The following TRPM2 variants were observed in gnomAD, a reference collection of about 807,000 sequenced individuals.
TRPM2 encodes transient receptor potential cation channel subfamily M member 2, also known as estrogen-responsive element-associated gene 1 protein.
TRPM2 carries 161 observed loss-of-function variants against 174.0 expected under a neutral mutation model. The observed-to-expected ratio is 0.93, with a 90% CI of 0.81 to 1.05. TRPM2 has a LOEUF of 1.05. Among genes scored for constraint, TRPM2 ranks in the 50% least tolerant of loss-of-function variants. The pLI is 0.00. For synonymous variants in TRPM2, 954 were observed against 861.3 expected, an observed-to-expected ratio of 1.11 and a Z score of -1.88; for missense variants, 2,057 against 2,038.0, an observed-to-expected ratio of 1.01 and a Z score of -0.18.
chr21:44,439,070 T>C lies in TRPM2; in HGVS notation c.4171T>C (p.Ser1391Pro). The change falls in exon 30 of 32, where the codon TCC (serine) becomes CCC (proline). Residue 1391 changes from serine (S) to proline (P), a missense_variant. Coordinates refer to ENST00000397928, the MANE Select transcript of TRPM2 (RefSeq NM_003307.4). The surrounding 1 kb of genome is among the most constrained non-coding windows in gnomAD (Gnocchi z 5.1). ...CCTCCGTCCTCTGTCTGTCCAGGGC[T>C]CCCGGGAGCCAGGGGAGATGCTACC... ...LSEHWALPGG[S>P]REPGEMLPRK... 2 of 1,612,412 alleles carry C rather than the reference T, an allele frequency of 1.2e-6. No homozygotes were observed. The highest frequency in any genetic ancestry group is 1.7e-6 in the Non-Finnish European group (2 of 1,179,438).
intron 2 of TRPM2, among the ~76,000 whole-genome samples, chr21:44,357,739 G>A (rs1390626223): frequency 6.6e-6 from 1 of 152,220 alleles, no homozygotes; most frequent in African/African-American, 2.4e-5. Flanking sequence ...GCCCGGCAAA[G>A]CACTCCTAGC....
At chr21:44,385,498 T>A (rs1001680831) in intron 9 of TRPM2, among the ~76,000 whole-genome samples, 2 of 152,210 alleles carry the variant, frequency 1.3e-5, no homozygotes, top group African/African-American at 4.8e-5. Context: ...GATGCATACT[T>A]TCACCACTTC....
chr21:44,361,249 A>T (rs1017399150), intron 2 of TRPM2, among the ~76,000 whole-genome samples: 2 of 152,098 alleles, frequency 1.3e-5, no homozygotes, highest in African/African-American at 4.8e-5. Flanking sequence ...AGTAGCTGGG[A>T]CTACAGGCAT....
In TRPM2 at chr21:44,441,701, G is replaced by T. The variant is rs569048007; in HGVS notation, c.4396G>T (p.Ala1466Ser). The change falls in exon 32 of 32, where the codon GCC (alanine) becomes TCC (serine). Residue 1466 changes from alanine (A) to serine (S), a missense_variant. By Grantham distance (99) the Ala-to-Ser change is moderately conservative (BLOSUM62 1). Coordinates refer to ENST00000397928, the MANE Select transcript of TRPM2 (RefSeq NM_003307.4). The stretch of plus-strand genomic sequence containing the variant: ...GCCCTTGTTCTTCCAGAACCTGCAC[G>T]CCTGCGACTCGGGGGCCTCCATCCG... Reference protein sequence around the residue: ...ELNRLNSNLHACDSGASIRWQ... With the variant: ...ELNRLNSNLHSCDSGASIRWQ... The T allele has an allele frequency of 6.2e-7, 1 of 1,609,992 alleles. No homozygotes were observed. The highest frequency in any genetic ancestry group is 8.5e-7 in the Non-Finnish European group (1 of 1,178,504).
chr21:44,404,225 A>G (rs1004657500), intron 16 of TRPM2, among the ~76,000 whole-genome samples: 1 of 150,524 alleles, frequency 6.6e-6, no homozygotes, highest in African/African-American at 2.5e-5. Context: ...ACACAGATAC[A>G]CATACACATG....
intron 8 of TRPM2, 127 bp downstream of exon 8, chr21:44,379,324 G>A: frequency 8.9e-7 from 1 of 1,128,048 alleles, no homozygotes; most frequent in Non-Finnish European, 1.3e-6. Flanking sequence ...GGGTGCCAGA[G>A]CGATTTGCAG....
In TRPM2 at chr21:44,367,407, C is replaced by A. The variant is rs143799889; in HGVS notation, c.604+473C>A. Reference sequence around the variant, plus strand: ...CATTATCGTGTTTTTCCATCAAAATCAGGGAAGGAGCATTATTATTTCCAT... The same window carrying A: ...CATTATCGTGTTTTTCCATCAAAATAAGGGAAGGAGCATTATTATTTCCAT... On this transcript the variant is annotated intron_variant, in intron 4 of 31. Coordinates refer to ENST00000397928, the MANE Select transcript of TRPM2 (RefSeq NM_003307.4). This position sits in a 1 kb window ranked among gnomAD's most constrained non-coding sequence, Gnocchi z 4.6. Among the ~76,000 whole-genome samples the A allele has an allele frequency of 4.6e-4, 70 of 152,348 alleles. No homozygotes were observed. Among genetic ancestry groups the A allele is most frequent in the African/African-American group, 1.5e-3 (64 of 41,590 alleles).
At chr21:44,422,756 A>G (rs1346421371) in intron 22 of TRPM2, among the ~76,000 whole-genome samples, 1 of 150,362 alleles carries the variant, frequency 6.7e-6, no homozygotes, top group Non-Finnish European at 1.5e-5. Flanking sequence ...CATTTCCAGA[A>G]TAATAGCGCC....
chr21:44,431,177 C>A (rs1176617703), intron 27 of TRPM2, among the ~76,000 whole-genome samples: 1 of 151,940 alleles, frequency 6.6e-6, no homozygotes, highest in Non-Finnish European at 1.5e-5. Flanking sequence ...AATAAGGGTA[C>A]CTAAGACTGT....
Position 44,401,911 on chromosome 21 carries a change from C to T in TRPM2, c.2538+14C>T, listed in dbSNP as rs1785437. The T allele has an allele frequency of 0.75, 1,210,368 of 1,612,988 alleles. 455,149 individuals carry two copies. Among genetic ancestry groups the T allele is most frequent in the Non-Finnish European group, 0.76 (899,573 of 1,179,764 alleles). On this transcript the variant is annotated intron_variant, in intron 16 of 31. Coordinates refer to ENST00000397928, the MANE Select transcript of TRPM2 (RefSeq NM_003307.4). Reference sequence around the variant, plus strand: ...GAGATGCGGCAGGTACAGCCCCACCCGCTTTTCCACGCCCCAGCCCGGGGC... The same window carrying T: ...GAGATGCGGCAGGTACAGCCCCACCTGCTTTTCCACGCCCCAGCCCGGGGC...
rs984348289 is a variant in TRPM2, at chr21:44,401,923, C to T, written c.2538+26C>T. ...GTACAGCCCCACCCGCTTTTCCACG[C>T]CCCAGCCCGGGGCCACCCACTTGGC... is the stretch of plus-strand genomic sequence containing the variant. On this transcript the variant is annotated intron_variant, in intron 16 of 31. Transcript: ENST00000397928. The T allele has an allele frequency of 5.6e-6, 9 of 1,612,466 alleles. No individual in the cohort carries two copies. In the Admixed American group the frequency reaches 1.2e-4, roughly 21 times the overall value.
At chr21:44,370,538 G>A (rs1227019222) in intron 5 of TRPM2, among the ~76,000 whole-genome samples, 2 of 152,168 alleles carry the variant, frequency 1.3e-5, no homozygotes, top group Middle Eastern at 3.2e-3. Flanking sequence ...AAAGCCCAGG[G>A]AACACTGGCC....
chr21:44,381,045 A>T (rs1452862493), intron 8 of TRPM2, among the ~76,000 whole-genome samples: 2 of 152,074 alleles, frequency 1.3e-5, no homozygotes, highest in African/African-American at 2.4e-5. Context: ...GGAGTTCGCC[A>T]GGGAGCTCAG....
At chr21:44,365,416 T>C (rs1201698163) in intron 3 of TRPM2, among the ~76,000 whole-genome samples, 2 of 151,854 alleles carry the variant, frequency 1.3e-5, no homozygotes, top group African/African-American at 4.8e-5. Flanking sequence ...GGAGACGGGG[T>C]CATGTGGCCC....
intron 8 of TRPM2, among the ~76,000 whole-genome samples, chr21:44,380,170 T>C (rs1428209596): frequency 2.0e-5 from 3 of 152,364 alleles, no homozygotes; most frequent in East Asian, 1.9e-4. Context: ...TTTCTCTGAC[T>C]GGTGATTTGT....
At chr21:44,411,272 C>T (rs1305931005) in intron 19 of TRPM2, among the ~76,000 whole-genome samples, 1 of 152,164 alleles carries the variant, frequency 6.6e-6, no homozygotes, top group Non-Finnish European at 1.5e-5. Context: ...TAATTTCTCT[C>T]AATAATGTTT....
chr21:44,375,206 G>A lies in TRPM2; in HGVS notation c.772-627G>A, dbSNP rs372077845. ...ATTCCAGGCGTGAGCCACCGCGCCCGTCTCCGCAAGGCCTTTAATACCACA... is the reference window on the plus strand; with the variant it reads ...ATTCCAGGCGTGAGCCACCGCGCCCATCTCCGCAAGGCCTTTAATACCACA... On this transcript the variant is annotated intron_variant, in intron 5 of 31. Coordinates refer to ENST00000397928, the MANE Select transcript of TRPM2 (RefSeq NM_003307.4). Among the ~76,000 whole-genome samples the A allele has an allele frequency of 5.3e-5, 8 of 152,322 alleles. 2 individuals are homozygous for A. Among genetic ancestry groups the A allele is most frequent in the African/African-American group, 1.7e-4 (7 of 41,570 alleles).
chr21:44,392,896 A>C (rs1218609103), intron 11 of TRPM2, among the ~76,000 whole-genome samples: 1 of 152,170 alleles, frequency 6.6e-6, no homozygotes, highest in African/African-American at 2.4e-5. Context: ...GGTGCACTGC[A>C]GCTGTGGGAG....
intron 22 of TRPM2, among the ~76,000 whole-genome samples, chr21:44,420,033 T>A (rs551590847): frequency 1.3e-5 from 2 of 152,164 alleles, no homozygotes; most frequent in South Asian, 4.1e-4. Context: ...ATGGTGACAA[T>A]GTGAGGACCT....
Sources: allele counts gnomAD v4.1 joint callset (sites outside exome capture counted in the v4.1 genomes callset), GRCh38; gene constraint gnomAD v4.1.1; non-coding constraint Gnocchi (gnomAD v3.1); transcripts MANE v1.5; gene names NCBI Gene and HGNC (gene_info 2026-07-23, HGNC 2026-07-21).